LGSN: variants seen among roughly 807,000 people sequenced by gnomAD.
LGSN encodes the protein lengsin.
LGSN carries 21 observed loss-of-function variants against 19.5 expected under a neutral mutation model. That is an observed-to-expected ratio of 1.07 (90% confidence interval 0.76 to 1.55). The LOEUF is 1.55. Among genes scored for constraint, LGSN ranks in the 40% most tolerant of loss-of-function variants. The pLI is 0.00. For synonymous variants in LGSN, 257 were observed against 215.6 expected, an observed-to-expected ratio of 1.19 and a Z score of -1.68; for missense variants, 673 against 608.5, an observed-to-expected ratio of 1.11 and a Z score of -1.12.
chr6:63,382,309 T>C, the LGSN span, among the ~76,000 whole-genome samples: 2 of 152,232 alleles, frequency 1.3e-5, no homozygotes, highest in African/African-American at 4.8e-5. Context: ...ATTATTGGTG[T>C]ATGTATACAG....
chr6:63,294,883 C>T (rs775419463), intron 2 of LGSN, 30 bp downstream of exon 2: 6 of 1,611,758 alleles, frequency 3.7e-6, no homozygotes, highest in Non-Finnish European at 5.1e-6. Flanking sequence ...CTGACCACAC[C>T]ATTTTTGAGG....
At chr6:63,297,354 CAAAA>C (rs75453519) in intron 1 of LGSN, among the ~76,000 whole-genome samples, 1 of 73,936 alleles carries the variant, frequency 1.4e-5, no homozygotes, top group Non-Finnish European at 2.6e-5. Flanking sequence ...GCCTCGGTAT[CAAAA>C]AAAAAAAAAA....
the LGSN span, among the ~76,000 whole-genome samples, chr6:63,420,166 G>T: frequency 1.3e-5 from 2 of 150,294 alleles, no homozygotes; most frequent in Non-Finnish European, 2.9e-5. Flanking sequence ...TCGCACCACT[G>T]CACTCCAGCG....
At chr6:63,557,952 C>G in the LGSN span, among the ~76,000 whole-genome samples, 48 of 151,268 alleles carry the variant, frequency 3.2e-4, no homozygotes, top group Non-Finnish European at 6.0e-4. Flanking sequence ...TGCAGGGGTG[C>G]GATCTCGGCT....
intron 1 of LGSN, among the ~76,000 whole-genome samples, chr6:63,298,332 G>A (rs1375869194): frequency 6.6e-6 from 1 of 152,136 alleles, no homozygotes; most frequent in Admixed American, 6.5e-5. Context: ...TCTTAACTGG[G>A]TACAGAAGTC....
At chr6:63,515,559 G>A in the LGSN span, among the ~76,000 whole-genome samples, 1 of 152,162 alleles carries the variant, frequency 6.6e-6, no homozygotes, top group Non-Finnish European at 1.5e-5. Context: ...ATTTACAGAA[G>A]TTATTTAAAA....
chr6:63,411,714 C>A, the LGSN span, among the ~76,000 whole-genome samples: 1 of 152,152 alleles, frequency 6.6e-6, no homozygotes, highest in South Asian at 2.1e-4. Flanking sequence ...GTGGTGTGCA[C>A]CTGTAGTCCC....
At chr6:63,483,388 CAG>C in the LGSN span, among the ~76,000 whole-genome samples, 19 of 145,868 alleles carry the variant, frequency 1.3e-4, no homozygotes, top group Non-Finnish European at 1.9e-4. Context: ...TTTTTTGAGA[CAG>C]AGTTTCACTT....
At chr6:63,449,105 G>A in the LGSN span, among the ~76,000 whole-genome samples, 5 of 152,094 alleles carry the variant, frequency 3.3e-5, no homozygotes, top group South Asian at 2.1e-4. Context: ...ATCTGCCAGC[G>A]GCAGGATTGC....
the LGSN span, among the ~76,000 whole-genome samples, chr6:63,496,618 C>CT: frequency 0.12 from 16,802 of 139,134 alleles, 1,171 homozygotes; most frequent in African/African-American, 0.19. Context: ...GTATTTGCTC[C>CT]TTTTTTTTTT....
the LGSN span, among the ~76,000 whole-genome samples, chr6:63,448,425 A>G: frequency 6.6e-6 from 1 of 152,122 alleles, no homozygotes; most frequent in South Asian, 2.1e-4. Flanking sequence ...TATTTTAAGC[A>G]TGAGTCATAG....
the LGSN span, among the ~76,000 whole-genome samples, chr6:63,500,758 C>T: frequency 6.8e-6 from 1 of 147,706 alleles, no homozygotes; most frequent in South Asian, 2.2e-4. Flanking sequence ...GACAGAGTCT[C>T]ACTCTGTCAC....
chr6:63,452,392 G>A, the LGSN span, among the ~76,000 whole-genome samples: 5 of 151,988 alleles, frequency 3.3e-5, no homozygotes, highest in African/African-American at 1.2e-4. Context: ...GGGATTACAG[G>A]CATGAGCCAC....
the LGSN span, among the ~76,000 whole-genome samples, chr6:63,477,688 T>TTC: frequency 3.3e-5 from 1 of 30,766 alleles, no homozygotes; most frequent in African/African-American, 1.4e-4. Context: ...TCTTTTTTTC[T>TTC]TTTTTTTTTT....
the LGSN span, among the ~76,000 whole-genome samples, chr6:63,481,314 T>C: frequency 2.0e-5 from 3 of 151,730 alleles, no homozygotes; most frequent in African/African-American, 4.8e-5. Context: ...ATCTAATTCA[T>C]GCATGCAACA....
At chr6:63,462,658 A>G in the LGSN span, among the ~76,000 whole-genome samples, 1 of 152,200 alleles carries the variant, frequency 6.6e-6, no homozygotes, top group Admixed American at 6.5e-5. Context: ...TTACCTAAGA[A>G]GTTTACTTCA....
At chr6:63,533,745 T>C in the LGSN span, among the ~76,000 whole-genome samples, 1 of 152,132 alleles carries the variant, frequency 6.6e-6, no homozygotes, top group Non-Finnish European at 1.5e-5. Context: ...TAATGAGCAA[T>C]AGCATTGAGA....
rs779903976 is a variant in LGSN at position 63,280,083 on chromosome 6, A to G, written c.1468T>C (p.Tyr490His). The change falls in exon 4 of 4, where the codon TAT becomes CAT. Residue 490 changes from tyrosine (Y) to histidine (H), a missense_variant. Physicochemically the swap from Tyr to His is moderately conservative, Grantham distance 83 (BLOSUM62 2). Coordinates refer to ENST00000370657, the MANE Select transcript of LGSN (RefSeq NM_016571.3). Reference protein sequence around the residue: ...FIRYFVAMKKYELENEEIAAE... With the variant: ...FIRYFVAMKKHELENEEIAAE... The stretch of plus-strand genomic sequence containing the variant: ...GCTATTTCTTCATTCTCCAACTCAT[A>G]TTTCTTCATGGCAACAAAATATCGA... 7.4e-6 allele frequency: 12 copies of G among 1,613,632 alleles called. 3 individuals carry two copies. The South Asian group carries it at 1.3e-4, about 18-fold the overall frequency.
the LGSN span, among the ~76,000 whole-genome samples, chr6:63,354,299 T>C: frequency 6.6e-6 from 1 of 151,578 alleles, no homozygotes; most frequent in African/African-American, 2.4e-5. Flanking sequence ...GCAAAAAAAA[T>C]AAATAAATAA....
Sources: allele counts gnomAD v4.1 joint callset (sites outside exome capture counted in the v4.1 genomes callset), GRCh38; gene constraint gnomAD v4.1.1; transcripts MANE v1.5; gene names NCBI Gene and HGNC (gene_info 2026-07-23, HGNC 2026-07-21).